VAPB: variants seen among roughly 807,000 people sequenced by gnomAD.
The protein encoded by VAPB is VAMP associated protein B and C, also known as vesicle-associated membrane protein-associated protein B/C.
In VAPB, 7 loss-of-function variants were observed where a neutral mutation model predicts 25.6. The ratio of observed to expected loss-of-function variants is 0.27; its 90% CI spans 0.16 to 0.51. VAPB has a LOEUF of 0.51. Among genes scored for constraint, VAPB ranks in the 20% least tolerant of loss-of-function variants. The pLI is 0.97. For synonymous variants in VAPB, 112 were observed against 109.2 expected (o/e 1.03, Z -0.16); for missense variants, 266 against 301.3 (o/e 0.88, Z 0.87).
intron 1 of VAPB, among the ~76,000 whole-genome samples, chr20:58,406,080 A>G (rs1480878477): frequency 6.6e-6 from 1 of 151,998 alleles, no homozygotes; most frequent in Non-Finnish European, 1.5e-5. Context: ...TTGAGGGAGG[A>G]GAGTGGGACT....
intron 1 of VAPB, among the ~76,000 whole-genome samples, chr20:58,405,407 G>A (rs1988202190): frequency 6.6e-6 from 1 of 152,164 alleles, no homozygotes; most frequent in Non-Finnish European, 1.5e-5. Flanking sequence ...GAGGGACTTT[G>A]GATTTTGTTG....
At chr20:58,412,459 C>T (rs1988403951) in intron 1 of VAPB, among the ~76,000 whole-genome samples, 2 of 150,518 alleles carry the variant, frequency 1.3e-5, no homozygotes, top group South Asian at 4.2e-4. Context: ...TGCCTGTGGT[C>T]CTAGCTACTT....
chr20:58,438,518 G>A (rs918392456), intron 3 of VAPB, among the ~76,000 whole-genome samples: 7 of 152,110 alleles, frequency 4.6e-5, no homozygotes, highest in East Asian at 1.9e-4. Context: ...GGCTCAACCA[G>A]TCCCTCCACC....
chr20:58,389,905 C>T (rs558895782), intron 1 of VAPB, among the ~76,000 whole-genome samples: 17 of 152,346 alleles, frequency 1.1e-4, no homozygotes, highest in East Asian at 3.9e-4. Flanking sequence ...GTTGAGGTGT[C>T]AGCTGCTCAG....
chr20:58,435,325 C>G (rs984633774), intron 3 of VAPB, among the ~76,000 whole-genome samples: 2 of 151,376 alleles, frequency 1.3e-5, no homozygotes, highest in Non-Finnish European at 2.9e-5. Flanking sequence ...CCCTCCAAAA[C>G]GAGCTTTTTA....
intron 2 of VAPB, among the ~76,000 whole-genome samples, chr20:58,433,409 G>A (rs1239083013): frequency 2.0e-5 from 3 of 152,210 alleles, no homozygotes; most frequent in Non-Finnish European, 4.4e-5. Context: ...CACCTGGGAA[G>A]TCCTAAGTTG....
chr20:58,419,041 A>C (rs1988612208), intron 2 of VAPB, among the ~76,000 whole-genome samples: 1 of 152,186 alleles, frequency 6.6e-6, no homozygotes. Context: ...TTGGAGTTTA[A>C]ATGTATTTTA....
At chr20:58,401,504 CT>C (rs1988095112) in intron 1 of VAPB, among the ~76,000 whole-genome samples, 1 of 152,190 alleles carries the variant, frequency 6.6e-6, no homozygotes, top group African/African-American at 2.4e-5. Context: ...CATTTGACCC[CT>C]GTTGTCATCC....
chr20:58,436,991 A>AGTTTTT (rs1989061716), intron 3 of VAPB, among the ~76,000 whole-genome samples: 1 of 85,412 alleles, frequency 1.2e-5, no homozygotes, highest in Non-Finnish European at 2.4e-5. Context: ...CAAACTTTGA[A>AGTTTTT]CTTTTTTTTT....
At chr20:58,390,544 G>A (rs1174191594) in intron 1 of VAPB, among the ~76,000 whole-genome samples, 2 of 152,050 alleles carry the variant, frequency 1.3e-5, no homozygotes, top group African/African-American at 2.4e-5. Flanking sequence ...CTTACCTTCC[G>A]ACGAGGACAG....
chr20:58,405,622 T>C (rs1988207716), intron 1 of VAPB, among the ~76,000 whole-genome samples: 1 of 151,664 alleles, frequency 6.6e-6, no homozygotes, highest in African/African-American at 2.4e-5. Context: ...AATTTTTTTA[T>C]TTTTAGTAGA....
At chr20:58,413,417 T>C (rs1247936233) in intron 1 of VAPB, among the ~76,000 whole-genome samples, 8 of 151,458 alleles carry the variant, frequency 5.3e-5, no homozygotes, top group African/African-American at 9.7e-5. Flanking sequence ...TTAATCCATT[T>C]AACCCTGAGT....
chr20:58,440,808 T>C, intron 4 of VAPB, 99 bp from the exon 5 acceptor site: 2 of 1,085,730 alleles, frequency 1.8e-6, no homozygotes, highest in Non-Finnish European at 2.7e-6. Context: ...GATGAAATGC[T>C]ACCACGTTTG....
At position 58,416,980 on chromosome 20, in the gene VAPB, AAC is replaced by A. The variant is rs147383774; in HGVS notation, c.59-1225_59-1224del. 1.7e-3 allele frequency among the ~76,000 whole-genome samples: 266 copies of A among 152,314 alleles called. 5 individuals carry two copies. The East Asian group carries it at 0.049, about 28-fold the overall frequency. On this transcript the variant is annotated intron_variant, in intron 1 of 5. Coordinates refer to ENST00000475243, the MANE Select transcript of VAPB (RefSeq NM_004738.5). ...AGAGTCTCATTGAAAAGTTTTTCAAAACACACATTTGAATGATTTTGTTGAGT... is the reference window on the plus strand; with the variant it reads ...AGAGTCTCATTGAAAAGTTTTTCAAAACACATTTGAATGATTTTGTTGAGT...
chr20:58,391,981 G>T (rs1987810993), intron 1 of VAPB, among the ~76,000 whole-genome samples: 1 of 152,192 alleles, frequency 6.6e-6, no homozygotes, highest in South Asian at 2.1e-4. Context: ...GCTTCTCCTT[G>T]AGCAGTCCTT....
In VAPB at chr20:58,440,969, GTCTAAGTC is replaced by G. The variant is rs1439697961; in HGVS notation, c.463_470del (p.Lys155GlufsTer6). The G allele has an allele frequency of 6.2e-7, 1 of 1,613,980 alleles. No homozygotes were observed. Among genetic ancestry groups the G allele is most frequent in the Non-Finnish European group, 8.5e-7 (1 of 1,180,016 alleles). On this transcript the variant is annotated frameshift_variant, in exon 5 of 6. Transcript: ENST00000475243. LOFTEE classifies it high-confidence loss of function. ...CATCAAAGACAGAAACACCAATAGT[GTCTAAGTC>G]TCTGAGTTCTTCTTTGGATGACACC...
At chr20:58,406,596 C>T (rs1192187483) in intron 1 of VAPB, among the ~76,000 whole-genome samples, 1 of 152,186 alleles carries the variant, frequency 6.6e-6, no homozygotes, top group Admixed American at 6.5e-5. Flanking sequence ...TTGTTCTTCT[C>T]CCCTGTTCTG....
intron 1 of VAPB, among the ~76,000 whole-genome samples, chr20:58,409,015 A>G (rs948498742): frequency 6.7e-6 from 1 of 149,352 alleles, no homozygotes; most frequent in African/African-American, 2.5e-5. Context: ...CTCAGTATTT[A>G]TTCACCCAGA....
intron 2 of VAPB, among the ~76,000 whole-genome samples, chr20:58,419,084 T>C (rs1413168554): frequency 6.6e-6 from 1 of 152,312 alleles, no homozygotes; most frequent in Non-Finnish European, 1.5e-5. Context: ...CATTAGAACT[T>C]CTCCATCCAA....
Sources: allele counts gnomAD v4.1 joint callset (sites outside exome capture counted in the v4.1 genomes callset), GRCh38; gene constraint gnomAD v4.1.1; transcripts MANE v1.5; gene names NCBI Gene and HGNC (gene_info 2026-07-23, HGNC 2026-07-21).